Variants in GPAM observed in about 807,000 individuals in gnomAD.
GPAM encodes the protein glycerol-3-phosphate acyltransferase, mitochondrial.
GPAM carries 56 observed loss-of-function variants against 105.0 expected under a neutral mutation model. That is an observed-to-expected ratio of 0.53 (90% CI 0.43 to 0.67). GPAM has a LOEUF of 0.67. Ranked by LOEUF, GPAM falls within the 30% of genes least tolerant of loss-of-function variation. The pLI, the probability that GPAM is intolerant of heterozygous loss-of-function variation, is 0.00. For synonymous variants in GPAM, 368 were observed against 354.4 expected (o/e 1.04, Z -0.43); for missense variants, 855 against 989.8 (o/e 0.86, Z 1.83).
intron 1 of GPAM, among the ~76,000 whole-genome samples, chr10:112,191,517 C>G (rs1040827959): frequency 6.6e-5 from 10 of 152,242 alleles, no homozygotes; most frequent in Non-Finnish European, 1.0e-4. Context: ...TAATTTTTAA[C>G]TACTGTTTGC....
chr10:112,186,315 A>T (rs1847595369), upstream of GPAM, among the ~76,000 whole-genome samples: 1 of 151,534 alleles, frequency 6.6e-6, no homozygotes, highest in Non-Finnish European at 1.5e-5. Context: ...ATATTTTTAT[A>T]TATATCAAAA....
intron 4 of GPAM, among the ~76,000 whole-genome samples, chr10:112,178,461 A>T (rs889910814): frequency 2.6e-5 from 4 of 152,114 alleles, no homozygotes; most frequent in Non-Finnish European, 4.4e-5. Flanking sequence ...GAGGCAGGAG[A>T]ATTGCTTGAA....
At position 112,168,915 on chromosome 10, in the gene GPAM, G is replaced by T; in HGVS notation, c.832C>A (p.Arg278=). 6.2e-7 allele frequency: 1 copy of T among 1,611,140 alleles called. No individual in the cohort carries two copies. Among genetic ancestry groups the T allele is most frequent in the South Asian group, 1.1e-5 (1 of 91,034 alleles). Residue 278 remains arginine, a synonymous_variant, in exon 10 of 22, where the codon CGA becomes AGA. Coordinates refer to ENST00000348367, the MANE Select transcript of GPAM (RefSeq NM_001244949.2). ...IHKLGGFFIR[R]RLDETPDGRK... ...CCATCTGGTGTTTCATCGAGCCTTC[G>T]TCGTATGAAGAAGCCCCCAAGCTTA...
chr10:112,174,117 C>T (rs1056279348), intron 6 of GPAM, among the ~76,000 whole-genome samples: 18 of 110,978 alleles, frequency 1.6e-4, no homozygotes, highest in African/African-American at 5.6e-4. Context: ...TTTGAATGTT[C>T]CCATTAAAGT....
chr10:112,173,596 T>C, intron 7 of GPAM, 103 bp downstream of exon 7: 2 of 1,124,202 alleles, frequency 1.8e-6, no homozygotes, highest in Non-Finnish European at 1.4e-6. Context: ...TTAAAACATC[T>C]TTTGGACAAA....
intron 1 of GPAM, among the ~76,000 whole-genome samples, chr10:112,208,685 G>A (rs1847877213): frequency 6.6e-6 from 1 of 152,146 alleles, no homozygotes; most frequent in Non-Finnish European, 1.5e-5. Context: ...CGGACTCTGA[G>A]CTATTACAGT....
rs766519685 is a variant in GPAM, at chr10:112,175,680, G to A, written c.333C>T (p.Tyr111=). Residue 111 remains tyrosine, a synonymous_variant, in exon 6 of 22, where the codon TAC becomes TAT. Transcript: ENST00000348367. ...HRGWLARRLS[Y]VLFIQERDVH... is the part of the protein sequence containing the mutation. ...CATCTCGCTCTTGAATAAAAAGAAC[G>A]TAAGAAAGGCGTCTTGCAAGCCATC... The A allele has an allele frequency of 1.2e-5, 19 of 1,612,758 alleles. No homozygotes were observed. Among genetic ancestry groups the A allele is most frequent in the African/African-American group, 5.3e-5 (4 of 74,876 alleles).
chr10:112,164,739 A>T, intron 12 of GPAM, 129 bp from the exon 13 acceptor site: 1 of 685,182 alleles, frequency 1.5e-6, no homozygotes, highest in African/African-American at 1.8e-5. Flanking sequence ...CATGGGAAAT[A>T]CTTTCTATAT....
At chr10:112,154,544 C>T in intron 21 of GPAM, 85 bp downstream of exon 21, 1 of 1,014,156 alleles carries the variant, frequency 9.9e-7, no homozygotes, top group Admixed American at 1.7e-5. Flanking sequence ...GGGGTCCACC[C>T]CACCACAAAG....
chr10:112,202,612 T>C (rs1564690369), intron 1 of GPAM, among the ~76,000 whole-genome samples: 1 of 152,240 alleles, frequency 6.6e-6, no homozygotes. Flanking sequence ...CAAGGTTCCA[T>C]TCGCATTGTA....
chr10:112,172,308 G>A lies in GPAM; in HGVS notation c.668C>T (p.Pro223Leu), dbSNP rs372143876. ...TCTATGAACTGGTAGAAACAGAAGCGGCAAATTCGTCTAGCAAAGGGAAAA... is the reference window on the plus strand; with the variant it reads ...TCTATGAACTGGTAGAAACAGAAGCAGCAAATTCGTCTAGCAAAGGGAAAA... The part of the protein sequence containing the change: ...MVKAATETNL[P>L]LLFLPVHRSH... Residue 223 changes from proline (P) to leucine (L), a missense_variant, in exon 9 of 22, where the codon CCG (proline) becomes CTG (leucine). Transcript: ENST00000348367. The A allele has an allele frequency of 1.3e-5, 21 of 1,612,884 alleles. No individual in the cohort carries two copies. Among genetic ancestry groups the A allele is most frequent in the Non-Finnish European group, 1.6e-5 (19 of 1,179,080 alleles).
upstream of GPAM, among the ~76,000 whole-genome samples, chr10:112,184,947 C>T (rs550313404): frequency 6.6e-6 from 1 of 152,262 alleles, no homozygotes; most frequent in Non-Finnish European, 1.5e-5. Context: ...AAAGAGAGAG[C>T]AATTACTAAA....
In GPAM at chr10:112,191,315, T is replaced by A. The variant is rs573193990; in HGVS notation, n.211-8424A>T. Among the ~76,000 whole-genome samples, 17 of 152,148 alleles carry A rather than the reference T, an allele frequency of 1.1e-4. 1 individual carries two copies. In the South Asian group the frequency reaches 3.1e-3, roughly 28 times the overall value. On this transcript the variant is annotated intron_variant and non_coding_transcript_variant, in intron 1 of 3. Transcript: ENST00000480130. The stretch of plus-strand genomic sequence containing the variant: ...GGCTTCTGGGAGATCTCTCTTGCCA[T>A]CTCCCACCAGATAGGGTACATGACA...
chr10:112,175,920 G>A (rs1847395745), intron 5 of GPAM, among the ~76,000 whole-genome samples: 1 of 152,110 alleles, frequency 6.6e-6, no homozygotes, highest in South Asian at 2.1e-4. Flanking sequence ...CTGAAACTTG[G>A]AATTTGTGTA....
In GPAM at chr10:112,151,030, G is replaced by A. The variant is rs1157740319; in HGVS notation, c.*2520C>T. 8.1e-6 allele frequency: 8 copies of A among 985,470 alleles called. No homozygotes were observed. The highest frequency in any genetic ancestry group is 8.4e-6 in the Non-Finnish European group (7 of 829,748). The allele number at this position is 985,470 out of a possible 1,614,324, so 61.0% of individuals were successfully genotyped here. ...TTTGTTTTTCATGCATTTTCAGAGT[G>A]CACAACTTCCCTCCTCTCTTCTGAA... On this transcript the variant is annotated 3_prime_UTR_variant, in exon 22 of 22. Transcript: ENST00000348367.
At chr10:112,194,545 G>A (rs542937426) in intron 1 of GPAM, among the ~76,000 whole-genome samples, 1 of 152,238 alleles carries the variant, frequency 6.6e-6, no homozygotes, top group African/African-American at 2.4e-5. Flanking sequence ...GGTTTGTGGA[G>A]CTGAGATACT....
intron 1 of GPAM, among the ~76,000 whole-genome samples, chr10:112,196,442 T>C (rs1015166672): frequency 2.6e-5 from 4 of 152,206 alleles, no homozygotes; most frequent in South Asian, 2.1e-4. Context: ...ATATTTTCCT[T>C]TGGAAAATTT....
the GPAM span, among the ~76,000 whole-genome samples, chr10:112,220,622 T>C: frequency 1.3e-5 from 2 of 152,184 alleles, no homozygotes; most frequent in Non-Finnish European, 2.9e-5. Context: ...TCTTATTGTA[T>C]GTCATCACTT....
At position 112,164,512 on chromosome 10, in the gene GPAM, C is replaced by A; in HGVS notation, c.1307+13G>T. On this transcript the variant is annotated intron_variant, in intron 13 of 21. Coordinates refer to ENST00000348367, the MANE Select transcript of GPAM (RefSeq NM_001244949.2). The stretch of plus-strand genomic sequence containing the variant: ...GTAGCTTGATTAGCATTAAACAATT[C>A]TACAAATTTTACCTTGAAGGAAGTA... 1 of 1,372,908 alleles carries A rather than the reference C, an allele frequency of 7.3e-7. No individual in the cohort carries two copies. Among genetic ancestry groups the A allele is most frequent in the African/African-American group, 1.4e-5 (1 of 70,340 alleles). 85.0% of individuals were successfully genotyped at this position (1,372,908 alleles called of 1,614,324 possible).
Sources: gnomAD v4.1 joint callset for allele counts (sites outside exome capture counted in the v4.1 genomes callset) on GRCh38, gnomAD v4.1.1 for gene constraint, MANE v1.5 for transcripts, NCBI Gene and HGNC (gene_info 2026-07-23, HGNC 2026-07-21) for gene names.